The following APP variants were observed in gnomAD, a reference collection of about 807,000 sequenced individuals.
APP encodes the protein amyloid-beta precursor protein.
A neutral mutation model predicts 101.4 loss-of-function variants in APP; 31 were observed. That is an observed-to-expected ratio of 0.31 (90% CI 0.23 to 0.41). APP has a LOEUF of 0.41. Among genes scored for constraint, APP ranks in the 10% least tolerant of loss-of-function variants. The pLI is 1.00. For missense variants in APP, 839 were observed against 1,003.7 expected (o/e 0.84, Z 2.22); for synonymous variants, 366 against 364.4 (o/e 1.00, Z -0.05).
At chr21:26,015,291 A>G (rs1426316709) in intron 6 of APP, among the ~76,000 whole-genome samples, 1 of 152,192 alleles carries the variant, frequency 6.6e-6, no homozygotes, top group East Asian at 1.9e-4. Context: ...GAGAGCAACT[A>G]AGGTTAATTG....
chr21:25,952,439 TGG>T (rs1310068632), intron 13 of APP, among the ~76,000 whole-genome samples: 8 of 151,920 alleles, frequency 5.3e-5, no homozygotes, highest in Non-Finnish European at 1.0e-4. Context: ...ATATCCTCCC[TGG>T]TACTGAGATT....
chr21:26,094,810 TATAA>T (rs973416415), intron 2 of APP, among the ~76,000 whole-genome samples: 6 of 151,666 alleles, frequency 4.0e-5, no homozygotes, highest in African/African-American at 1.4e-4. Context: ...TAGAAAGCTC[TATAA>T]ATAAATGAGT....
intron 11 of APP, among the ~76,000 whole-genome samples, chr21:25,974,158 G>C (rs1030082295): frequency 1.3e-5 from 2 of 152,048 alleles, no homozygotes; most frequent in African/African-American, 2.4e-5. Flanking sequence ...TCCCCACAGA[G>C]AATATGGCCA....
At chr21:26,094,598 T>C (rs896199804) in intron 2 of APP, among the ~76,000 whole-genome samples, 7 of 149,054 alleles carry the variant, frequency 4.7e-5, no homozygotes, top group Non-Finnish European at 3.0e-5. Flanking sequence ...ATATAGCTCA[T>C]TTATAAAGAT....
At chr21:26,102,033 C>T (rs1273260025) in intron 2 of APP, among the ~76,000 whole-genome samples, 3 of 148,596 alleles carry the variant, frequency 2.0e-5, no homozygotes, top group African/African-American at 7.4e-5. Flanking sequence ...AGTACACTTC[C>T]TTTATTCTTC....
chr21:26,084,365 A>G (rs1446226243), intron 3 of APP, among the ~76,000 whole-genome samples: 1 of 140,284 alleles, frequency 7.1e-6, no homozygotes, highest in African/African-American at 2.7e-5. Context: ...CAGCCTCCCG[A>G]GTAGCTGGGA....
At chr21:26,166,927 GGTGTGTGTGT>G (rs10600074) in intron 1 of APP, among the ~76,000 whole-genome samples, 5,067 of 148,618 alleles carry the variant, frequency 0.034, 215 homozygotes, top group East Asian at 0.21. Context: ...AGAGACAGAG[GGTGTGTGTGT>G]GTGTGTGTGT....
chr21:26,013,536 C>A (rs2043914615), intron 6 of APP, among the ~76,000 whole-genome samples: 1 of 147,966 alleles, frequency 6.8e-6, no homozygotes, highest in South Asian at 2.1e-4. Context: ...GACTAATATT[C>A]TTTAAAAATC....
At chr21:25,953,800 T>C (rs768341545) in intron 13 of APP, among the ~76,000 whole-genome samples, 2 of 152,184 alleles carry the variant, frequency 1.3e-5, no homozygotes, top group Non-Finnish European at 2.9e-5. Flanking sequence ...ATGAAATCAT[T>C]AGTCATTAGG....
intron 3 of APP, among the ~76,000 whole-genome samples, chr21:26,079,875 G>A (rs2061562133): frequency 6.6e-6 from 1 of 152,220 alleles, no homozygotes; most frequent in Non-Finnish European, 1.5e-5. Flanking sequence ...TGTAATCCCA[G>A]CATTTTGGGA....
intron 1 of APP, among the ~76,000 whole-genome samples, chr21:26,137,975 G>A (rs571172418): frequency 5.3e-5 from 8 of 151,996 alleles, no homozygotes; most frequent in Non-Finnish European, 1.0e-4. Flanking sequence ...CAGTAAGAAG[G>A]GTATCATAGG....
intron 3 of APP, among the ~76,000 whole-genome samples, chr21:26,063,131 G>A (rs1271497105): frequency 6.6e-6 from 1 of 152,208 alleles, no homozygotes; most frequent in African/African-American, 2.4e-5. Flanking sequence ...ATAGATGGTG[G>A]ATGGAGTGAG....
At chr21:25,995,503 G>A (rs2043017556) in intron 8 of APP, among the ~76,000 whole-genome samples, 1 of 152,120 alleles carries the variant, frequency 6.6e-6, no homozygotes, top group Non-Finnish European at 1.5e-5. Flanking sequence ...CGATGGCTTG[G>A]GACAAGTCAC....
chr21:26,019,559 C>T (rs2044244170), intron 6 of APP, among the ~76,000 whole-genome samples: 3 of 152,232 alleles, frequency 2.0e-5, no homozygotes, highest in Non-Finnish European at 4.4e-5. Flanking sequence ...GAGATTTTAA[C>T]ATCCACTAGG....
chr21:25,999,988 G>C (rs200730952), intron 7 of APP, 27 bp downstream of exon 7: 2 of 1,612,538 alleles, frequency 1.2e-6, no homozygotes, highest in Non-Finnish European at 1.7e-6. Flanking sequence ...ACGAAAGGTG[G>C]CCAGGCTCGA....
rs189359185 is a variant in APP at position 26,102,748 on chromosome 21, G to A, written c.225+9231C>T. Reference sequence around the variant, plus strand: ...TCTAGTAAAAATACAAAAATTATCTGAGAATGGTGTGGGCACCTGTAATCT... The same window carrying A: ...TCTAGTAAAAATACAAAAATTATCTAAGAATGGTGTGGGCACCTGTAATCT... On this transcript the variant is annotated intron_variant, in intron 2 of 17. Coordinates refer to ENST00000346798, the MANE Select transcript of APP (RefSeq NM_000484.4). 2.0e-5 allele frequency among the ~76,000 whole-genome samples: 3 copies of A among 151,982 alleles called. No homozygotes were observed. In the East Asian group the frequency reaches 5.8e-4, roughly 30 times the overall value.
intron 11 of APP, among the ~76,000 whole-genome samples, chr21:25,963,016 G>C (rs997987891): frequency 1.3e-5 from 2 of 152,080 alleles, no homozygotes; most frequent in Admixed American, 6.5e-5. Context: ...GTTTCACTAT[G>C]TTGGATAGGC....
chr21:25,910,400 G>A (rs879502686), intron 14 of APP, among the ~76,000 whole-genome samples: 1 of 152,128 alleles, frequency 6.6e-6, no homozygotes, highest in Non-Finnish European at 1.5e-5. Flanking sequence ...TAAGTCCTGC[G>A]ATTACAGGCG....
intron 13 of APP, among the ~76,000 whole-genome samples, chr21:25,928,599 A>G (rs1230182894): frequency 6.6e-6 from 1 of 152,198 alleles, no homozygotes; most frequent in Non-Finnish European, 1.5e-5. Context: ...AAAGTTTAGT[A>G]CTGTAGGCAT....
Sources: gnomAD v4.1 joint callset for allele counts (sites outside exome capture counted in the v4.1 genomes callset) on GRCh38, gnomAD v4.1.1 for gene constraint, MANE v1.5 for transcripts, NCBI Gene and HGNC (gene_info 2026-07-23, HGNC 2026-07-21) for gene names.